SLC24A2: variants seen among roughly 807,000 people sequenced by gnomAD.
The protein encoded by SLC24A2 is sodium/potassium/calcium exchanger 2.
In SLC24A2, 36 loss-of-function variants were observed where a neutral mutation model predicts 62.0. The ratio of observed to expected loss-of-function variants is 0.58; its 90% confidence interval spans 0.44 to 0.77. The LOEUF (loss-of-function observed/expected upper bound fraction) is 0.77. Ranked by LOEUF, SLC24A2 falls within the 30% of genes least tolerant of loss-of-function variation. The pLI is 0.00. For synonymous variants in SLC24A2, 358 were observed against 294.0 expected (o/e 1.22, Z -2.23); for missense variants, 846 against 817.9 (o/e 1.03, Z -0.42).
intron 2 of SLC24A2, among the ~76,000 whole-genome samples, chr9:19,686,692 C>T (rs1460948120): frequency 6.6e-6 from 1 of 152,110 alleles, no homozygotes; most frequent in Non-Finnish European, 1.5e-5. Flanking sequence ...ATGTTTGCTT[C>T]CTCTTCCACC....
chr9:19,995,177 A>G, the SLC24A2 span, among the ~76,000 whole-genome samples: 1 of 151,964 alleles, frequency 6.6e-6, no homozygotes, highest in South Asian at 2.1e-4. Context: ...TGCAACAAAT[A>G]TTGGCTCCTT....
the SLC24A2 span, among the ~76,000 whole-genome samples, chr9:20,145,266 C>T: frequency 2.6e-5 from 4 of 151,934 alleles, no homozygotes; most frequent in Admixed American, 1.3e-4. Context: ...AAAGTGGGCT[C>T]GTTGCTCTAT....
At chr9:19,948,623 C>T in the SLC24A2 span, among the ~76,000 whole-genome samples, 2 of 151,760 alleles carry the variant, frequency 1.3e-5, no homozygotes, top group African/African-American at 4.8e-5. Context: ...TTTGGGAGGC[C>T]GAGGCGGGCG....
chr9:19,593,216 A>G (rs1304700695), intron 5 of SLC24A2, among the ~76,000 whole-genome samples: 1 of 152,094 alleles, frequency 6.6e-6, no homozygotes, highest in Non-Finnish European at 1.5e-5. Flanking sequence ...CCTAGGGTCT[A>G]CTCATCTCAT....
chr9:19,904,534 T>A, the SLC24A2 span, among the ~76,000 whole-genome samples: 1 of 152,216 alleles, frequency 6.6e-6, no homozygotes, highest in Non-Finnish European at 1.5e-5. Flanking sequence ...TAAATTTTCT[T>A]TGCCCATTTG....
chr9:20,248,913 G>GCTC, the SLC24A2 span, among the ~76,000 whole-genome samples: 10 of 152,134 alleles, frequency 6.6e-5, no homozygotes, highest in African/African-American at 2.4e-4. Flanking sequence ...TATATTCATG[G>GCTC]TTCTTCCTGG....
At chr9:20,285,529 G>A in the SLC24A2 span, among the ~76,000 whole-genome samples, 1 of 152,150 alleles carries the variant, frequency 6.6e-6, no homozygotes, top group African/African-American at 2.4e-5. Flanking sequence ...TCTACTTGAG[G>A]GAGGGACAGG....
the SLC24A2 span, among the ~76,000 whole-genome samples, chr9:19,922,204 T>C: frequency 3.3e-5 from 5 of 152,202 alleles, no homozygotes; most frequent in African/African-American, 1.2e-4. Flanking sequence ...ACTCAAAAAT[T>C]CCATAAGCCA....
At chr9:19,772,356 G>A (rs1386637004) in intron 2 of SLC24A2, among the ~76,000 whole-genome samples, 2 of 152,114 alleles carry the variant, frequency 1.3e-5, no homozygotes, top group East Asian at 3.8e-4. Context: ...ATAAAAATGT[G>A]CTTAGAAAAC....
At chr9:19,801,081 C>T in the SLC24A2 span, among the ~76,000 whole-genome samples, 33 of 152,262 alleles carry the variant, frequency 2.2e-4, no homozygotes, top group South Asian at 1.0e-3. Context: ...AGATGGTGGC[C>T]GGCCGCTTCC....
At chr9:20,129,681 A>G in the SLC24A2 span, among the ~76,000 whole-genome samples, 1 of 152,112 alleles carries the variant, frequency 6.6e-6, no homozygotes, top group Non-Finnish European at 1.5e-5. Flanking sequence ...GCAAAAAAAG[A>G]CCACAAGTTT....
chr9:20,293,786 A>G, the SLC24A2 span, among the ~76,000 whole-genome samples: 4 of 152,116 alleles, frequency 2.6e-5, no homozygotes, highest in African/African-American at 9.7e-5. Context: ...GCTTTCTACA[A>G]GGGGTCCTCC....
intron 7 of SLC24A2, among the ~76,000 whole-genome samples, chr9:19,561,682 G>C (rs958527456): frequency 6.6e-6 from 1 of 151,920 alleles, no homozygotes; most frequent in East Asian, 1.9e-4. Context: ...CACCTGCCTC[G>C]GCCTCCCAAA....
At chr9:20,128,905 C>A in the SLC24A2 span, among the ~76,000 whole-genome samples, 2 of 151,954 alleles carry the variant, frequency 1.3e-5, no homozygotes, top group Admixed American at 6.6e-5. Flanking sequence ...ACATATGATG[C>A]CAAGAGCATG....
upstream of SLC24A2, among the ~76,000 whole-genome samples, chr9:19,793,725 C>T: frequency 6.6e-6 from 1 of 152,104 alleles, no homozygotes; most frequent in East Asian, 1.9e-4. Flanking sequence ...TCTCCAAAGC[C>T]CGAGTTCTAC....
At chr9:19,766,888 C>A (rs1465249685) in intron 2 of SLC24A2, among the ~76,000 whole-genome samples, 1 of 152,146 alleles carries the variant, frequency 6.6e-6, no homozygotes, top group Non-Finnish European at 1.5e-5. Context: ...TGAAGCTACG[C>A]CCACAGCCAC....
At chr9:19,753,411 AG>A (rs1822043277) in intron 2 of SLC24A2, among the ~76,000 whole-genome samples, 1 of 152,262 alleles carries the variant, frequency 6.6e-6, no homozygotes, top group Non-Finnish European at 1.5e-5. Context: ...CTAAGAATGC[AG>A]AAAAATATTA....
the SLC24A2 span, among the ~76,000 whole-genome samples, chr9:20,189,130 C>A: frequency 7.1e-6 from 1 of 140,494 alleles, no homozygotes; most frequent in South Asian, 2.4e-4. Flanking sequence ...CAGGAGAAAA[C>A]ATGCTTCCTT....
chr9:19,573,659 G>A (rs1369071339), intron 6 of SLC24A2, among the ~76,000 whole-genome samples, 190 bp from the exon 7 acceptor site: 1 of 152,004 alleles, frequency 6.6e-6, no homozygotes, highest in Non-Finnish European at 1.5e-5. Context: ...TAAGGCCCAG[G>A]GCTGATATTG....
Sources: gnomAD v4.1 joint callset for allele counts (sites outside exome capture counted in the v4.1 genomes callset) on GRCh38, gnomAD v4.1.1 for gene constraint, MANE v1.5 for transcripts, NCBI Gene and HGNC (gene_info 2026-07-23, HGNC 2026-07-21) for gene names.